Variants in IL1RAPL2 observed in about 807,000 individuals in gnomAD.
IL1RAPL2 encodes interleukin 1 receptor accessory protein like 2, also known as X-linked interleukin-1 receptor accessory protein-like 2.
Under a neutral mutation model 44.1 loss-of-function variants are expected in IL1RAPL2, and 3 were observed. The ratio of observed to expected loss-of-function variants is 0.07; its 90% CI spans 0.03 to 0.18. The LOEUF (loss-of-function observed/expected upper bound fraction) is 0.18, where lower values mean the gene tolerates loss of function less well. Among genes scored for constraint, IL1RAPL2 ranks in the 10% least tolerant of loss-of-function variants. IL1RAPL2 has a pLI of 1.00. For synonymous variants in IL1RAPL2, 181 were observed against 178.8 expected, an observed-to-expected ratio of 1.01 and a Z score of -0.10; for missense variants, 391 against 496.4, an observed-to-expected ratio of 0.79 and a Z score of 2.02.
intron 3 of IL1RAPL2, among the ~76,000 whole-genome samples, chrX:105,201,723 C>T (rs2033719433): frequency 8.9e-6 from 1 of 111,835 alleles, no homozygotes; most frequent in Non-Finnish European, 1.9e-5. Flanking sequence ...GGACAGTGAA[C>T]ATATCTCATA....
intron 2 of IL1RAPL2, among the ~76,000 whole-genome samples, chrX:104,903,393 A>G (rs957878907): frequency 1.8e-5 from 2 of 110,890 alleles, no homozygotes; most frequent in South Asian, 3.8e-4. Flanking sequence ...AATCTTCATT[A>G]GGCTTTCAAT....
chrX:104,674,838 G>T (rs1763955774), intron 2 of IL1RAPL2, among the ~76,000 whole-genome samples: 3 of 111,763 alleles, frequency 2.7e-5, no homozygotes, highest in South Asian at 7.5e-4. Context: ...GAGTGTATGT[G>T]TCAAGGAATT....
intron 1 of IL1RAPL2, among the ~76,000 whole-genome samples, chrX:104,615,351 G>T (rs1929248469): frequency 9.0e-6 from 1 of 110,875 alleles, no homozygotes; most frequent in African/African-American, 3.3e-5. Flanking sequence ...GCATGCATTA[G>T]CTATTTTTCC....
chrX:105,766,864 A>T, intron 10 of IL1RAPL2, 100 bp from the exon 11 acceptor site: 1 of 532,557 alleles, frequency 1.9e-6, no homozygotes, highest in Non-Finnish European at 3.1e-6. Flanking sequence ...GATGGACTTT[A>T]GTGAGAGACT....
At chrX:105,429,001 C>T (rs981934007) in intron 5 of IL1RAPL2, among the ~76,000 whole-genome samples, 1 of 111,209 alleles carries the variant, frequency 9.0e-6, no homozygotes, top group Middle Eastern at 4.6e-3. Context: ...TAAATAATAT[C>T]CGGAAATATC....
At chrX:105,227,127 C>T (rs929035156) in intron 3 of IL1RAPL2, among the ~76,000 whole-genome samples, 11 of 106,305 alleles carry the variant, frequency 1.0e-4, no homozygotes, top group East Asian at 3.1e-4. Context: ...TGCTAAATGA[C>T]GAGTTAATGG....
intron 2 of IL1RAPL2, among the ~76,000 whole-genome samples, chrX:105,112,285 A>T (rs2147566296): frequency 8.9e-6 from 1 of 112,252 alleles, no homozygotes; most frequent in East Asian, 2.8e-4. Context: ...GACTTTTCAA[A>T]TTTTTCTATT....
chrX:105,024,294 C>A (rs1469509516), intron 2 of IL1RAPL2, among the ~76,000 whole-genome samples: 2 of 111,362 alleles, frequency 1.8e-5, no homozygotes, highest in Non-Finnish European at 3.8e-5. Context: ...AGCATTCTGG[C>A]AATGGGTGAT....
At chrX:105,378,453 T>C (rs907582262) in intron 5 of IL1RAPL2, among the ~76,000 whole-genome samples, 18 of 111,766 alleles carry the variant, frequency 1.6e-4, no homozygotes, top group Admixed American at 9.5e-5. Flanking sequence ...GGTCATAGGC[T>C]TGTATGATTC....
At chrX:104,617,725 T>C (rs1309370400) in intron 1 of IL1RAPL2, among the ~76,000 whole-genome samples, 1 of 112,139 alleles carries the variant, frequency 8.9e-6, no homozygotes, top group Non-Finnish European at 1.9e-5. Context: ...TTAAAATGTT[T>C]ATCTCTTCCT....
intron 6 of IL1RAPL2, among the ~76,000 whole-genome samples, chrX:105,581,304 A>G (rs758840898): frequency 2.7e-5 from 3 of 112,071 alleles, no homozygotes; most frequent in Non-Finnish European, 3.8e-5. Flanking sequence ...TTTAGAAGGT[A>G]TATCAATAAT....
At chrX:105,689,550 T>C (rs2038017182) in intron 6 of IL1RAPL2, among the ~76,000 whole-genome samples, 1 of 111,775 alleles carries the variant, frequency 8.9e-6, no homozygotes. Context: ...ATGGTAATCA[T>C]TAAAAAGACA....
At chrX:105,695,804 A>G (rs373501019) in intron 6 of IL1RAPL2, among the ~76,000 whole-genome samples, 4 of 112,178 alleles carry the variant, frequency 3.6e-5, no homozygotes, top group African/African-American at 1.3e-4. Context: ...TGTCTTGACC[A>G]AATACCCACA....
At chrX:105,035,573 TG>T (rs2031614262) in intron 2 of IL1RAPL2, among the ~76,000 whole-genome samples, 2 of 112,298 alleles carry the variant, frequency 1.8e-5, no homozygotes, top group South Asian at 7.3e-4. Context: ...AAAATTAACA[TG>T]GTTTAATGTA....
chrX:105,517,144 A>T (rs2036520731), intron 6 of IL1RAPL2, among the ~76,000 whole-genome samples: 1 of 111,971 alleles, frequency 8.9e-6, no homozygotes, highest in African/African-American at 3.2e-5. Flanking sequence ...TTGTTCCTTT[A>T]TTGACTCCAA....
chrX:104,897,025 A>C (rs761514560), intron 2 of IL1RAPL2, among the ~76,000 whole-genome samples: 5 of 111,926 alleles, frequency 4.5e-5, no homozygotes, highest in Non-Finnish European at 9.4e-5. Context: ...TGAACTCTGG[A>C]CACACCATCT....
At chrX:105,746,751 A>G (rs1229024133) in intron 8 of IL1RAPL2, among the ~76,000 whole-genome samples, 1 of 111,953 alleles carries the variant, frequency 8.9e-6, no homozygotes, top group Non-Finnish European at 1.9e-5. Flanking sequence ...CATCTACCTA[A>G]TAGCAACTCT....
chrX:104,847,344 T>C (rs1260850608), intron 2 of IL1RAPL2, among the ~76,000 whole-genome samples: 1 of 112,045 alleles, frequency 8.9e-6, no homozygotes, highest in Non-Finnish European at 1.9e-5. Context: ...TTTAAGTCTT[T>C]AATCCATCTT....
chrX:105,304,267 C>A (rs2034717960), intron 5 of IL1RAPL2, among the ~76,000 whole-genome samples: 1 of 112,708 alleles, frequency 8.9e-6, no homozygotes, highest in Admixed American at 9.3e-5. Flanking sequence ...GGGAGGGAAC[C>A]TCCAATCCAT....
Sources: allele counts gnomAD v4.1 joint callset (sites outside exome capture counted in the v4.1 genomes callset), GRCh38; gene constraint gnomAD v4.1.1; transcripts MANE v1.5; gene names NCBI Gene and HGNC (gene_info 2026-07-23, HGNC 2026-07-21).